Variants in SHISA6 observed in about 807,000 individuals in gnomAD.
SHISA6 encodes protein shisa-6.
A neutral mutation model predicts 47.9 loss-of-function variants in SHISA6; 22 were observed. That is an observed-to-expected ratio of 0.46 (90% CI 0.33 to 0.66). The LOEUF (loss-of-function observed/expected upper bound fraction) is 0.66, where lower values mean the gene tolerates loss of function less well. SHISA6 is among the 30% of genes least tolerant of loss of function. The pLI is 0.02. For missense variants in SHISA6, 680 were observed against 764.6 expected (o/e 0.89, Z 1.30); for synonymous variants, 388 against 337.8 (o/e 1.15, Z -1.63).
At chr17:11,390,058 C>G (rs1913335235) in intron 3 of SHISA6, among the ~76,000 whole-genome samples, 2 of 152,210 alleles carry the variant, frequency 1.3e-5, no homozygotes, top group Non-Finnish European at 2.9e-5. Flanking sequence ...TGAAACATAA[C>G]TATATTCTGT....
intron 3 of SHISA6, among the ~76,000 whole-genome samples, chr17:11,545,828 C>T (rs2908958): frequency 0.53 from 81,154 of 152,012 alleles, 22,845 homozygotes; most frequent in African/African-American, 0.72. Context: ...ATGTATCCTT[C>T]TCATGTGGCC....
chr17:11,539,035 G>C (rs1413366812), intron 3 of SHISA6, among the ~76,000 whole-genome samples: 1 of 152,124 alleles, frequency 6.6e-6, no homozygotes, highest in Non-Finnish European at 1.5e-5. Context: ...CCACCTCCTA[G>C]GTTCAAACAA....
Position 11,263,367 on chromosome 17 carries a change from G to A in SHISA6, c.640G>A (p.Ala214Thr), listed in dbSNP as rs1159648786. 6 of 1,552,018 alleles carry A rather than the reference G, an allele frequency of 3.9e-6. No individual in the cohort carries two copies. Among genetic ancestry groups the A allele is most frequent in the Non-Finnish European group, 5.2e-6 (6 of 1,147,060 alleles). ...RPPREMNIHRALADILRQQGP... is the reference protein window; with the variant it reads ...RPPREMNIHRTLADILRQQGP... ...TTATGTGATCTCCTCCTTGTTTAGG[G>A]CTCTGGCTGACATCTTAAGACAACA... Residue 214 changes from alanine (A) to threonine (T), a missense_variant and splice_region_variant, in exon 2 of 6, where the codon GCT becomes ACT. Ala to Thr is a moderately conservative substitution (Grantham distance 58, BLOSUM62 0). Around this residue, in one of 2 missense-constraint regions of SHISA6, gnomAD observed 559 missense variants for 674.1 expected, o/e 0.83. Coordinates refer to ENST00000441885, the MANE Select transcript of SHISA6 (RefSeq NM_207386.4).
chr17:11,321,659 CTGGTCCCTCCGTTT>C (rs376601235), intron 2 of SHISA6, among the ~76,000 whole-genome samples: 36 of 152,220 alleles, frequency 2.4e-4, no homozygotes, highest in African/African-American at 8.2e-4. Context: ...TATTTTCTAG[CTGGTCCCTCCGTTT>C]TTTGTTTCTT....
rs1909684211 is a variant in SHISA6, at chr17:11,294,745, A to G, written c.799+31219A>G. 9.9e-5 allele frequency among the ~76,000 whole-genome samples: 15 copies of G among 152,272 alleles called. No individual in the cohort carries two copies. In the South Asian group the frequency reaches 2.9e-3, roughly 30 times the overall value. On this transcript the variant is annotated intron_variant, in intron 2 of 5. Transcript: ENST00000441885. ...GTACCAAACCTTATATATACCCTGCACAAATCTCTCTTTGCTTCTTCATAA... is the reference window on the plus strand; with the variant it reads ...GTACCAAACCTTATATATACCCTGCGCAAATCTCTCTTTGCTTCTTCATAA...
At chr17:11,348,976 G>T (rs892940291) in intron 2 of SHISA6, among the ~76,000 whole-genome samples, 8 of 152,168 alleles carry the variant, frequency 5.3e-5, no homozygotes, top group African/African-American at 1.9e-4. Flanking sequence ...ACTAGTGGGG[G>T]AAACCATAGG....
chr17:11,379,793 G>A (rs1157216757), intron 3 of SHISA6: 1 of 326,454 alleles, frequency 3.1e-6, no homozygotes, highest in Non-Finnish European at 5.6e-6. Flanking sequence ...CACAGGGAGT[G>A]TGGTGGAAAA....
chr17:11,376,546 G>A (rs558228789), intron 2 of SHISA6, among the ~76,000 whole-genome samples: 4 of 151,804 alleles, frequency 2.6e-5, no homozygotes, highest in Non-Finnish European at 5.9e-5. Context: ...GGATGGTCTC[G>A]ATCTCCTGAC....
intron 2 of SHISA6, among the ~76,000 whole-genome samples, chr17:11,366,306 C>T (rs1310881894): frequency 6.6e-6 from 1 of 152,182 alleles, no homozygotes; most frequent in Non-Finnish European, 1.5e-5. Flanking sequence ...TGCCACCATG[C>T]CCAGCTAATT....
chr17:11,403,124 A>C (rs1913835471), intron 3 of SHISA6, among the ~76,000 whole-genome samples: 1 of 152,198 alleles, frequency 6.6e-6, no homozygotes, highest in South Asian at 2.1e-4. Context: ...GTACCAAGGG[A>C]TATCCCTAAG....
intron 3 of SHISA6, among the ~76,000 whole-genome samples, chr17:11,501,922 C>T (rs2071457077): frequency 6.6e-6 from 1 of 152,154 alleles, no homozygotes; most frequent in African/African-American, 2.4e-5. Flanking sequence ...ACTGTATCCT[C>T]TGGCAAATGC....
At chr17:11,399,922 G>C (rs1913706331) in intron 3 of SHISA6, among the ~76,000 whole-genome samples, 1 of 152,140 alleles carries the variant, frequency 6.6e-6, no homozygotes, top group South Asian at 2.1e-4. Flanking sequence ...TTTTATTTTA[G>C]TCTTCATTCT....
Position 11,482,395 on chromosome 17 carries a change from G to A in SHISA6, c.896-69501G>A, listed in dbSNP as rs970059105. Among the ~76,000 whole-genome samples, 29 of 152,270 alleles carry A rather than the reference G, an allele frequency of 1.9e-4. No individual in the cohort carries two copies. In the East Asian group the frequency reaches 5.2e-3, roughly 27 times the overall value. On this transcript the variant is annotated intron_variant, in intron 3 of 5. Transcript: ENST00000441885. ...AGAAGACGGCAGCTACACAGTGGAGGGGAAGGTTCTGATCTAAGAATACAC... is the reference window on the plus strand; with the variant it reads ...AGAAGACGGCAGCTACACAGTGGAGAGGAAGGTTCTGATCTAAGAATACAC...
intron 2 of SHISA6, among the ~76,000 whole-genome samples, chr17:11,340,839 C>G (rs1322048515): frequency 2.6e-5 from 4 of 152,148 alleles, no homozygotes; most frequent in African/African-American, 9.7e-5. Flanking sequence ...AAGGAGAAAC[C>G]TAGTGACCGT....
chr17:11,550,312 C>G (rs1341040894), intron 3 of SHISA6, among the ~76,000 whole-genome samples: 1 of 152,182 alleles, frequency 6.6e-6, no homozygotes, highest in Non-Finnish European at 1.5e-5. Flanking sequence ...GCCTTGGCCT[C>G]TCAAAGTGCT....
At chr17:11,316,405 C>T (rs1385197472) in intron 2 of SHISA6, among the ~76,000 whole-genome samples, 1 of 62,552 alleles carries the variant, frequency 1.6e-5, no homozygotes, top group Non-Finnish European at 2.8e-5. Flanking sequence ...CTGTCTCTCT[C>T]TCTCTCTCTC....
At chr17:11,278,090 A>T (rs183012825) in intron 2 of SHISA6, among the ~76,000 whole-genome samples, 249 of 152,278 alleles carry the variant, frequency 1.6e-3, no homozygotes, top group Non-Finnish European at 2.0e-3. Flanking sequence ...GGTATTAAAA[A>T]ATATCAGGTG....
intron 3 of SHISA6, among the ~76,000 whole-genome samples, chr17:11,544,029 A>C (rs2071859018): frequency 6.6e-6 from 1 of 151,754 alleles, no homozygotes; most frequent in Admixed American, 6.6e-5. Flanking sequence ...AAAAAAAAGA[A>C]CTTCAACATT....
chr17:11,244,373 G>A (rs116716741), intron 1 of SHISA6, among the ~76,000 whole-genome samples: 5,531 of 152,150 alleles, frequency 0.036, 351 homozygotes, highest in African/African-American at 0.12. Context: ...ATCCATCTAC[G>A]ACACTCCATG....
Sources: gnomAD v4.1 joint callset for allele counts (sites outside exome capture counted in the v4.1 genomes callset) on GRCh38, gnomAD v4.1.1 for gene constraint, gnomAD v4.1.1 regional missense constraint, MANE v1.5 for transcripts, NCBI Gene and HGNC (gene_info 2026-07-23, HGNC 2026-07-21) for gene names.